GRIK2: variants seen among roughly 807,000 people sequenced by gnomAD.
The protein encoded by GRIK2 is glutamate receptor ionotropic, kainate 2.
Under a neutral mutation model 100.3 loss-of-function variants are expected in GRIK2, and 32 were observed. The ratio of observed to expected loss-of-function variants is 0.32; its 90% CI spans 0.24 to 0.43. The LOEUF (loss-of-function observed/expected upper bound fraction) is 0.43. Ranked by LOEUF, GRIK2 falls within the 20% of genes least tolerant of loss-of-function variation. The pLI is 1.00. For synonymous variants in GRIK2, 417 were observed against 389.4 expected (o/e 1.07, Z -0.83); for missense variants, 843 against 1,114.9 (o/e 0.76, Z 3.47).
At chr6:101,884,986 C>G (rs945909048) in intron 11 of GRIK2, among the ~76,000 whole-genome samples, 1 of 152,102 alleles carries the variant, frequency 6.6e-6, no homozygotes, top group South Asian at 2.1e-4. Flanking sequence ...GTTAGATTTC[C>G]AGGGAGGGAA....
intron 7 of GRIK2, among the ~76,000 whole-genome samples, chr6:101,777,007 A>G (rs1253054139): frequency 6.6e-6 from 1 of 152,154 alleles, no homozygotes; most frequent in Non-Finnish European, 1.5e-5. Context: ...ATCATCGTCC[A>G]ACACCTGCCT....
chr6:102,036,749 C>T (rs1441613719), intron 15 of GRIK2, among the ~76,000 whole-genome samples: 1 of 151,280 alleles, frequency 6.6e-6, no homozygotes, highest in Non-Finnish European at 1.5e-5. Context: ...ACATATAGAA[C>T]TGTGAGATAA....
At chr6:101,501,407 A>G (rs1223172156) in intron 2 of GRIK2, among the ~76,000 whole-genome samples, 1 of 152,216 alleles carries the variant, frequency 6.6e-6, no homozygotes, top group Non-Finnish European at 1.5e-5. Context: ...CATTATAGTA[A>G]ACATTTTTTT....
At chr6:101,916,581 C>T (rs1457210526) in intron 12 of GRIK2, among the ~76,000 whole-genome samples, 1 of 151,506 alleles carries the variant, frequency 6.6e-6, no homozygotes. Flanking sequence ...GATTGAAATG[C>T]TGACTGGAAT....
In GRIK2 at chr6:101,956,090, C is replaced by T. The variant is rs555039459; in HGVS notation, c.2085+27458C>T. Among the ~76,000 whole-genome samples the T allele has an allele frequency of 1.3e-3, 201 of 152,108 alleles. 3 individuals carry two copies. The highest frequency in any genetic ancestry group is 4.4e-3 in the African/African-American group (181 of 41,540). On this transcript the variant is annotated intron_variant, in intron 14 of 16. Transcript: ENST00000369134. Reference sequence around the variant, plus strand: ...TCATCCTACAAGTTTTATTATGTCACGTATTTTTATTCAGCTAATAATATG... The same window carrying T: ...TCATCCTACAAGTTTTATTATGTCATGTATTTTTATTCAGCTAATAATATG...
At chr6:101,964,142 A>T (rs1792508068) in intron 14 of GRIK2, among the ~76,000 whole-genome samples, 1 of 150,934 alleles carries the variant, frequency 6.6e-6, no homozygotes, top group African/African-American at 2.4e-5. Flanking sequence ...ATATATACAT[A>T]ATTATATTTC....
In GRIK2 at chr6:101,884,700, A is replaced by C. The variant is rs1786494855; in HGVS notation, c.1525-4940A>C. On this transcript the variant is annotated intron_variant, in intron 11 of 16. Coordinates refer to ENST00000369134, the MANE Select transcript of GRIK2 (RefSeq NM_021956.5). ...TTGAAATTATATTATTGTACAAATA[A>C]ATTTTATTTCTAGAGTAAGACTAGA... Among the ~76,000 whole-genome samples the C allele has an allele frequency of 1.3e-5, 2 of 152,172 alleles. 1 individual carries two copies. Among genetic ancestry groups the C allele is most frequent in the Non-Finnish European group, 2.9e-5 (2 of 68,022 alleles).
At chr6:101,757,570 A>T (rs1471331883) in intron 7 of GRIK2, among the ~76,000 whole-genome samples, 1 of 152,156 alleles carries the variant, frequency 6.6e-6, no homozygotes, top group African/African-American at 2.4e-5. Flanking sequence ...ATTCTATTTC[A>T]TAGATTGGTA....
At chr6:101,475,619 C>T (rs1356184739) in intron 2 of GRIK2, among the ~76,000 whole-genome samples, 1 of 151,758 alleles carries the variant, frequency 6.6e-6, no homozygotes, top group Non-Finnish European at 1.5e-5. Context: ...CAGTGTTGCA[C>T]TTTTTGAAGA....
Position 101,429,306 on chromosome 6 carries a change from T to C in GRIK2, c.115+29914T>C, listed in dbSNP as rs1236371468. Among the ~76,000 whole-genome samples, 3 of 152,198 alleles carry C rather than the reference T, an allele frequency of 2.0e-5. No homozygotes were observed. In the South Asian group the frequency reaches 6.2e-4, roughly 31 times the overall value. On this transcript the variant is annotated intron_variant, in intron 2 of 16. Transcript: ENST00000369134. The stretch of plus-strand genomic sequence containing the variant: ...ATGAATGAGAGAATTTACATAGGAC[T>C]AGGAGACATGATACCCTTGTTGCTC...
At chr6:101,724,193 A>T (rs1290473377) in intron 7 of GRIK2, among the ~76,000 whole-genome samples, 3 of 143,168 alleles carry the variant, frequency 2.1e-5, no homozygotes, top group African/African-American at 8.2e-5. Context: ...AAAAAAAAAA[A>T]TTTAACTTTT....
intron 2 of GRIK2, among the ~76,000 whole-genome samples, chr6:101,510,228 T>C (rs1267126697): frequency 6.6e-6 from 1 of 151,984 alleles, no homozygotes; most frequent in African/African-American, 2.4e-5. Context: ...GGTAGGAGAG[T>C]GAGGGCTTCC....
chr6:101,590,533 C>G (rs1388562289), intron 2 of GRIK2, among the ~76,000 whole-genome samples: 1 of 152,000 alleles, frequency 6.6e-6, no homozygotes, highest in African/African-American at 2.4e-5. Context: ...CAGAAGGCAG[C>G]TTTCTATATA....
chr6:101,607,522 G>A (rs1779491111), intron 2 of GRIK2, among the ~76,000 whole-genome samples: 1 of 152,028 alleles, frequency 6.6e-6, no homozygotes, highest in African/African-American at 2.4e-5. Context: ...GGTAGAAAGA[G>A]AGCTTGCTTT....
chr6:101,549,275 G>A (rs1286977579), intron 2 of GRIK2, among the ~76,000 whole-genome samples: 20 of 136,326 alleles, frequency 1.5e-4, no homozygotes, highest in African/African-American at 1.9e-4. Flanking sequence ...GTGATGAACT[G>A]AAAAAAAAAA....
intron 7 of GRIK2, among the ~76,000 whole-genome samples, chr6:101,790,690 C>T (rs1022781009): frequency 5.4e-5 from 8 of 149,384 alleles, no homozygotes; most frequent in Middle Eastern, 3.4e-3. Flanking sequence ...TGTCTCTGCC[C>T]GGCTTTGGTA....
chr6:101,664,572 G>A (rs148222784), intron 4 of GRIK2, among the ~76,000 whole-genome samples: 1 of 152,206 alleles, frequency 6.6e-6, no homozygotes, highest in African/African-American at 2.4e-5. Context: ...TTTTAGCCTT[G>A]GCATGGCCAA....
chr6:101,485,564 G>C (rs1283819174), intron 2 of GRIK2, among the ~76,000 whole-genome samples: 43 of 152,058 alleles, frequency 2.8e-4, no homozygotes, highest in Non-Finnish European at 1.2e-4. Flanking sequence ...TTAGTCATTT[G>C]TTTAAGTCAT....
intron 15 of GRIK2, among the ~76,000 whole-genome samples, chr6:102,054,522 A>G (rs1443690133): frequency 6.6e-6 from 1 of 152,126 alleles, no homozygotes; most frequent in African/African-American, 2.4e-5. Flanking sequence ...CAATATTTTT[A>G]TATGTTTCTG....
Sources: allele counts gnomAD v4.1 joint callset (sites outside exome capture counted in the v4.1 genomes callset), GRCh38; gene constraint gnomAD v4.1.1; transcripts MANE v1.5; gene names NCBI Gene and HGNC (gene_info 2026-07-23, HGNC 2026-07-21).